The following GALNTL6 variants were observed in gnomAD, a reference collection of about 807,000 sequenced individuals.
GALNTL6 encodes the protein polypeptide N-acetylgalactosaminyltransferase-like 6.
In GALNTL6, 46 loss-of-function variants were observed where a neutral mutation model predicts 73.7. The observed-to-expected ratio is 0.62, with a 90% CI of 0.49 to 0.80. The LOEUF (loss-of-function observed/expected upper bound fraction) is 0.80, where lower values mean the gene tolerates loss of function less well. Among genes scored for constraint, GALNTL6 ranks in the 30% least tolerant of loss-of-function variants. The pLI is 0.00. For missense variants in GALNTL6, 604 were observed against 755.0 expected (o/e 0.80, Z 2.34); for synonymous variants, 259 against 263.7 (o/e 0.98, Z 0.17).
At chr4:171,949,327 G>T (rs1054656794) in intron 2 of GALNTL6, among the ~76,000 whole-genome samples, 4 of 152,078 alleles carry the variant, frequency 2.6e-5, no homozygotes, top group Admixed American at 2.6e-4. Flanking sequence ...TTCTTGAGTG[G>T]TCCCCAAGTA....
chr4:172,804,084 A>G (rs1740817538), intron 5 of GALNTL6, among the ~76,000 whole-genome samples: 1 of 152,232 alleles, frequency 6.6e-6, no homozygotes, highest in East Asian at 1.9e-4. Flanking sequence ...GTAGAAAGTT[A>G]TCCTTAACAT....
chr4:172,025,320 A>C (rs1741531414), intron 2 of GALNTL6, among the ~76,000 whole-genome samples: 1 of 152,016 alleles, frequency 6.6e-6, no homozygotes, highest in Non-Finnish European at 1.5e-5. Context: ...GGCACCTCGC[A>C]TAAAATCAGG....
At chr4:172,788,199 A>T (rs1161872955) in intron 5 of GALNTL6, among the ~76,000 whole-genome samples, 1 of 151,974 alleles carries the variant, frequency 6.6e-6, no homozygotes, top group Non-Finnish European at 1.5e-5. Context: ...ACAAACAAAC[A>T]AACAAAAAAC....
intron 2 of GALNTL6, among the ~76,000 whole-genome samples, chr4:172,115,144 A>G (rs892240532): frequency 1.3e-5 from 2 of 152,154 alleles, no homozygotes; most frequent in African/African-American, 4.8e-5. Flanking sequence ...ACACAAAGTT[A>G]CCACTTTATG....
chr4:172,103,305 G>A (rs995604736), intron 2 of GALNTL6, among the ~76,000 whole-genome samples: 1 of 152,152 alleles, frequency 6.6e-6, no homozygotes, highest in Non-Finnish European at 1.5e-5. Context: ...TGCTAAGGCC[G>A]ACGATTTTAT....
At chr4:172,169,121 G>A (rs999444560) in intron 2 of GALNTL6, among the ~76,000 whole-genome samples, 4 of 152,174 alleles carry the variant, frequency 2.6e-5, no homozygotes, top group African/African-American at 9.7e-5. Flanking sequence ...TAAGTAAATG[G>A]GAAGAAGTAG....
At chr4:172,635,552 A>G (rs767380874) in intron 5 of GALNTL6, among the ~76,000 whole-genome samples, 22 of 152,126 alleles carry the variant, frequency 1.4e-4, no homozygotes, top group Non-Finnish European at 3.1e-4. Flanking sequence ...GAAAAGAGCT[A>G]TCATACCTTC....
At chr4:172,287,042 T>C (rs1386167224) in intron 3 of GALNTL6, among the ~76,000 whole-genome samples, 1 of 152,162 alleles carries the variant, frequency 6.6e-6, no homozygotes, top group Admixed American at 6.5e-5. Flanking sequence ...GAATCATCGT[T>C]GAGGGTATCT....
chr4:172,188,332 CACTAATATTTGT>C (rs1340086026), intron 2 of GALNTL6, among the ~76,000 whole-genome samples: 1 of 152,138 alleles, frequency 6.6e-6, no homozygotes, highest in African/African-American at 2.4e-5. Context: ...AAGGCAGGTT[CACTAATATTTGT>C]ACATCTGTAC....
chr4:171,903,371 A>T (rs534577989), intron 2 of GALNTL6, among the ~76,000 whole-genome samples: 129 of 152,180 alleles, frequency 8.5e-4, no homozygotes, highest in African/African-American at 3.1e-3. Context: ...CTAGTCAAAG[A>T]AAGGGGTGAT....
intron 5 of GALNTL6, among the ~76,000 whole-genome samples, chr4:172,475,892 A>G (rs1006840969): frequency 5.3e-5 from 8 of 152,234 alleles, no homozygotes; most frequent in Non-Finnish European, 1.0e-4. Flanking sequence ...GGCTTATTCT[A>G]TGAAAAGTGT....
At chr4:172,872,162 T>C (rs1744981705) in intron 7 of GALNTL6, among the ~76,000 whole-genome samples, 2 of 152,308 alleles carry the variant, frequency 1.3e-5, no homozygotes, top group East Asian at 1.9e-4. Context: ...ACAACACTGA[T>C]TTTTGTCCAC....
At chr4:172,900,466 G>C (rs1746569498) in intron 8 of GALNTL6, among the ~76,000 whole-genome samples, 1 of 152,084 alleles carries the variant, frequency 6.6e-6, no homozygotes, top group African/African-American at 2.4e-5. Context: ...ATTAAGAGTA[G>C]TCTCTTCACT....
intron 8 of GALNTL6, among the ~76,000 whole-genome samples, chr4:172,887,536 T>TTTTATTTATTTATTTA (rs56097389): frequency 7.0e-5 from 10 of 143,282 alleles, no homozygotes; most frequent in Non-Finnish European, 1.1e-4. Flanking sequence ...TATTTTAACC[T>TTTTATTTATTTATTTA]TTTATTTATT....
intron 5 of GALNTL6, among the ~76,000 whole-genome samples, chr4:172,664,610 A>G (rs534269409): frequency 6.6e-6 from 1 of 152,326 alleles, no homozygotes; most frequent in Non-Finnish European, 1.5e-5. Context: ...AAAGATTTTA[A>G]CAATAGGTGT....
intron 2 of GALNTL6, among the ~76,000 whole-genome samples, chr4:171,903,107 T>C (rs1737150932): frequency 6.6e-6 from 1 of 152,108 alleles, no homozygotes; most frequent in African/African-American, 2.4e-5. Flanking sequence ...GAGATTGATA[T>C]CCCTTTGAAA....
intron 5 of GALNTL6, among the ~76,000 whole-genome samples, chr4:172,721,999 TCC>T (rs11413523): frequency 6.7e-6 from 1 of 149,076 alleles, no homozygotes. Context: ...TTTTTTTTTT[TCC>T]CAAAATCGTG....
Position 172,540,282 on chromosome 4 carries a change from C to T in GALNTL6, c.553+191593C>T, listed in dbSNP as rs117713588. On this transcript the variant is annotated intron_variant, in intron 5 of 12. Coordinates refer to ENST00000506823, the MANE Select transcript of GALNTL6 (RefSeq NM_001034845.3). Reference sequence around the variant, plus strand: ...GCCTCGATCTCCTGACCTCATTATCCGCCCACCTGGGCCTCCCAGAGTGCT... The same window carrying T: ...GCCTCGATCTCCTGACCTCATTATCTGCCCACCTGGGCCTCCCAGAGTGCT... Among the ~76,000 whole-genome samples the T allele has an allele frequency of 1.0e-3, 157 of 151,896 alleles. 1 individual carries two copies. The East Asian group carries it at 0.024, about 23-fold the overall frequency.
chr4:172,649,001 G>T lies in GALNTL6; in HGVS notation c.554-160360G>T, dbSNP rs75336058. On this transcript the variant is annotated intron_variant, in intron 5 of 12. Transcript: ENST00000506823. Reference sequence around the variant, plus strand: ...AAGGAGATTAAAATCATACCTTCAAGTTCTAATTTAATAGTTAACAATTTT... The same window carrying T: ...AAGGAGATTAAAATCATACCTTCAATTTCTAATTTAATAGTTAACAATTTT... Among the ~76,000 whole-genome samples the T allele has an allele frequency of 9.0e-3, 1,374 of 152,222 alleles. 23 individuals carry two copies. The highest frequency in any genetic ancestry group is 0.031 in the African/African-American group (1,287 of 41,528).
Sources: gnomAD v4.1 joint callset for allele counts (sites outside exome capture counted in the v4.1 genomes callset) on GRCh38, gnomAD v4.1.1 for gene constraint, MANE v1.5 for transcripts, NCBI Gene and HGNC (gene_info 2026-07-23, HGNC 2026-07-21) for gene names.